Variants in ABCA8 observed in about 807,000 individuals in gnomAD.
ABCA8 encodes ATP binding cassette subfamily A member 8, also known as ABC-type organic anion transporter ABCA8.
In ABCA8, 177 loss-of-function variants were observed where a neutral mutation model predicts 192.3. The ratio of observed to expected loss-of-function variants is 0.92; its 90% CI spans 0.81 to 1.04. The LOEUF is 1.04. ABCA8 is among the 50% of genes least tolerant of loss of function. ABCA8 has a pLI of 0.00. For missense variants in ABCA8, 1,915 were observed against 1,904.8 expected, an observed-to-expected ratio of 1.01 and a Z score of -0.10; for synonymous variants, 642 against 690.2, an observed-to-expected ratio of 0.93 and a Z score of 1.09.
At chr17:68,921,610 G>A in intron 12 of ABCA8, 118 bp from the exon 13 acceptor site, 1 of 534,754 alleles carries the variant, frequency 1.9e-6, no homozygotes, top group Admixed American at 3.2e-5. Flanking sequence ...TTGAATGGTT[G>A]TCTTTTCTAT....
intron 21 of ABCA8, among the ~76,000 whole-genome samples, chr17:68,896,977 G>T (rs2066780343): frequency 6.6e-6 from 1 of 152,156 alleles, no homozygotes; most frequent in Admixed American, 6.5e-5. Flanking sequence ...TAAATTTGTG[G>T]ATAAAAAACA....
chr17:68,902,441 C>T (rs940652439), intron 21 of ABCA8, among the ~76,000 whole-genome samples: 2 of 152,136 alleles, frequency 1.3e-5, no homozygotes, highest in Non-Finnish European at 2.9e-5. Flanking sequence ...AATTGTATGG[C>T]CTGTGAAGTA....
At chr17:68,932,883 T>C (rs1223842644) in intron 6 of ABCA8, among the ~76,000 whole-genome samples, 1 of 152,244 alleles carries the variant, frequency 6.6e-6, no homozygotes, top group Non-Finnish European at 1.5e-5. Flanking sequence ...AGGTTTTTAC[T>C]CATTTACTTA....
At chr17:68,904,110 T>C (rs1170940907) in intron 19 of ABCA8, among the ~76,000 whole-genome samples, 2 of 151,724 alleles carry the variant, frequency 1.3e-5, no homozygotes, top group Non-Finnish European at 2.9e-5. Context: ...CTTAAGATAG[T>C]GGTCAAAAGT....
chr17:68,953,977 G>A (rs1598307044), intron 1 of ABCA8, among the ~76,000 whole-genome samples: 1 of 151,950 alleles, frequency 6.6e-6, no homozygotes, highest in Non-Finnish European at 1.5e-5. Context: ...AAAAGTTTCT[G>A]GGTTCTTAAA....
intron 13 of ABCA8, 58 bp from the exon 14 acceptor site, chr17:68,919,534 C>T (rs1489303736): frequency 8.3e-6 from 12 of 1,442,200 alleles, no homozygotes; most frequent in African/African-American, 1.4e-5. Flanking sequence ...TTAATAAAAT[C>T]GCTGTTAATT....
At chr17:68,904,978 A>G (rs1397827044) in intron 19 of ABCA8, among the ~76,000 whole-genome samples, 4 of 152,236 alleles carry the variant, frequency 2.6e-5, no homozygotes, top group African/African-American at 9.6e-5. Context: ...CTATAGAGAA[A>G]TATATAGAAT....
At chr17:68,909,838 G>A (rs2067187494) in intron 17 of ABCA8, among the ~76,000 whole-genome samples, 1 of 152,024 alleles carries the variant, frequency 6.6e-6, no homozygotes, top group Non-Finnish European at 1.5e-5. Flanking sequence ...GTCATGATAG[G>A]TTTGTTTTCT....
rs71144641 is a variant in ABCA8 at position 68,935,262 on chromosome 17, T to TTGTGTGTGTGTGTGTGTGTG, written c.466+1669_466+1688dup. 3.4e-3 allele frequency among the ~76,000 whole-genome samples: 461 copies of TTGTGTGTGTGTGTGTGTGTG among 136,060 alleles called. 8 individuals are homozygous for TTGTGTGTGTGTGTGTGTGTG. Among genetic ancestry groups the TTGTGTGTGTGTGTGTGTGTG allele is most frequent in the African/African-American group, 0.012 (425 of 34,488 alleles). 89.3% of individuals were successfully genotyped at this position (136,060 alleles called of 152,430 possible). Reference sequence around the variant, plus strand: ...GGCAGACGCTGCCACGCCTGGCTAATTGTGTGTGTGTGTGTGTGTGTGTGT... The same window carrying TTGTGTGTGTGTGTGTGTGTG: ...GGCAGACGCTGCCACGCCTGGCTAATTGTGTGTGTGTGTGTGTGTGTGTGTGTGTGTGTGTGTGTGTGTGT... On this transcript the variant is annotated intron_variant, in intron 5 of 39. Coordinates refer to ENST00000586539, the MANE Select transcript of ABCA8 (RefSeq NM_001288985.2).
At chr17:68,902,901 A>C in intron 20 of ABCA8, 22 bp from the exon 21 acceptor site, 1 of 1,595,798 alleles carries the variant, frequency 6.3e-7, no homozygotes, top group South Asian at 1.1e-5. Context: ...AAAATTGCCA[A>C]AATGAATGCA....
At chr17:68,898,597 C>G (rs1224595567) in intron 21 of ABCA8, among the ~76,000 whole-genome samples, 1 of 152,046 alleles carries the variant, frequency 6.6e-6, no homozygotes, top group Non-Finnish European at 1.5e-5. Context: ...CTTGTATTAA[C>G]TCATTTTAAA....
chr17:68,935,804 C>A (rs1427971982), intron 5 of ABCA8, among the ~76,000 whole-genome samples: 2 of 151,952 alleles, frequency 1.3e-5, no homozygotes, highest in Non-Finnish European at 2.9e-5. Context: ...ATTTACACTT[C>A]TACCAACGAT....
chr17:68,878,190 T>C (rs1011745752), intron 32 of ABCA8: 1 of 152,256 alleles, frequency 6.6e-6, no homozygotes, highest in Middle Eastern at 3.2e-3. Flanking sequence ...AAAGTGGTGC[T>C]GTTATGGAAA....
chr17:68,936,852 T>G, intron 5 of ABCA8, 99 bp downstream of exon 5: 1 of 1,064,962 alleles, frequency 9.4e-7, no homozygotes, highest in Non-Finnish European at 1.3e-6. Flanking sequence ...TTATGACAGA[T>G]AGTGATGCTC....
chr17:68,886,962 G>T, intron 26 of ABCA8, 55 bp downstream of exon 26: 2 of 1,271,152 alleles, frequency 1.6e-6, no homozygotes, highest in Non-Finnish European at 2.2e-6. Flanking sequence ...TAAAGGATTA[G>T]CTCAGAATTG....
At chr17:68,934,848 C>A (rs2068010913) in intron 5 of ABCA8, among the ~76,000 whole-genome samples, 1 of 152,100 alleles carries the variant, frequency 6.6e-6, no homozygotes, top group South Asian at 2.1e-4. Flanking sequence ...TTTTGCAAAT[C>A]TTATGAACAT....
Position 68,867,930 on chromosome 17 carries a change from GGCACTTACCCA to G in ABCA8, c.*144_*154del, listed in dbSNP as rs2065956030. 4.8e-6 allele frequency: 3 copies of G among 620,364 alleles called. No individual in the cohort carries two copies. In the South Asian group the frequency reaches 6.5e-5, roughly 13 times the overall value. The allele number at this position is 620,364 out of a possible 1,614,324, so 38.4% of individuals were successfully genotyped here. A position where few individuals can be genotyped will look rare whatever the true frequency, so the allele number is the denominator to read the frequency against. On this transcript the variant is annotated 3_prime_UTR_variant, in exon 40 of 40. Transcript: ENST00000586539. ...CAAATGCCTCTGTCCACACTGACAT[GGCACTTACCCA>G]GCACCCGAACCTCCTCCTCCCACCA...
At chr17:68,886,089 C>T (rs995468034) in intron 26 of ABCA8, among the ~76,000 whole-genome samples, 1 of 151,598 alleles carries the variant, frequency 6.6e-6, no homozygotes, top group Non-Finnish European at 1.5e-5. Context: ...CACTGGAAGC[C>T]CTCATATTTT....
At chr17:68,918,899 C>T (rs538777535) in intron 14 of ABCA8, among the ~76,000 whole-genome samples, 74 of 138,908 alleles carry the variant, frequency 5.3e-4, no homozygotes, top group Middle Eastern at 7.8e-3. Flanking sequence ...CATTGCACTC[C>T]GGCCTGGGCG....
Sources: allele counts gnomAD v4.1 joint callset (sites outside exome capture counted in the v4.1 genomes callset), GRCh38; gene constraint gnomAD v4.1.1; transcripts MANE v1.5; gene names NCBI Gene and HGNC (gene_info 2026-07-23, HGNC 2026-07-21).